The following CSMD1 variants were observed in gnomAD, a reference collection of about 807,000 sequenced individuals.
CSMD1 encodes the protein CUB and Sushi multiple domains 1.
Under a neutral mutation model 417.5 loss-of-function variants are expected in CSMD1, and 213 were observed. That is an observed-to-expected ratio of 0.51 (90% CI 0.46 to 0.57). CSMD1 has a LOEUF of 0.57. CSMD1 is among the 20% of genes least tolerant of loss of function. The pLI is 0.00. For missense variants in CSMD1, 6,923 were observed against 4,529.7 expected (o/e 1.53, Z -15.17); for synonymous variants, 2,862 against 1,736.8 (o/e 1.65, Z -16.11).
chr8:4,917,817 T>C (rs1332451848), intron 1 of CSMD1, among the ~76,000 whole-genome samples: 1 of 151,980 alleles, frequency 6.6e-6, no homozygotes, highest in African/African-American at 2.4e-5. Context: ...GAACAGAGTG[T>C]GGCAGTGGTT....
At chr8:4,593,138 T>C (rs1207090350) in intron 2 of CSMD1, among the ~76,000 whole-genome samples, 2 of 152,184 alleles carry the variant, frequency 1.3e-5, no homozygotes, top group African/African-American at 2.4e-5. Flanking sequence ...GAATGGAGGA[T>C]GCTGAGGTCT....
At chr8:4,057,477 G>T (rs1376131262) in intron 3 of CSMD1, among the ~76,000 whole-genome samples, 3 of 152,116 alleles carry the variant, frequency 2.0e-5, no homozygotes, top group Non-Finnish European at 2.9e-5. Flanking sequence ...CACCCATTTT[G>T]TAGGTTGCCT....
chr8:4,155,580 T>G (rs945559372), intron 3 of CSMD1, among the ~76,000 whole-genome samples: 1 of 152,180 alleles, frequency 6.6e-6, no homozygotes, highest in South Asian at 2.1e-4. Flanking sequence ...TATCTTTAAA[T>G]TGTGAGTCAT....
chr8:3,756,410 T>C (rs1199835617), intron 5 of CSMD1, among the ~76,000 whole-genome samples: 4 of 152,000 alleles, frequency 2.6e-5, no homozygotes, highest in South Asian at 4.1e-4. Flanking sequence ...ATTATTTTTA[T>C]ACACACAAAT....
chr8:3,510,941 T>G (rs746650662), intron 10 of CSMD1, among the ~76,000 whole-genome samples: 10 of 151,844 alleles, frequency 6.6e-5, no homozygotes, highest in Non-Finnish European at 1.3e-4. Flanking sequence ...GTATGTTTAC[T>G]GCAGCACTAT....
chr8:3,586,123 G>A lies in CSMD1; in HGVS notation c.1222+13C>T, dbSNP rs549303366. ...AGAGATAATCCAGGCTTTACCCACC[G>A]CAGGTGCCTTACCTCGGCAGATGGG... On this transcript the variant is annotated intron_variant, in intron 9 of 69. Transcript: ENST00000635120. 2.4e-5 allele frequency: 39 copies of A among 1,607,846 alleles called. No homozygotes were observed. The highest frequency in any genetic ancestry group is 8.0e-5 in the African/African-American group (6 of 74,642).
At chr8:4,909,415 C>T (rs1805512456) in intron 1 of CSMD1, among the ~76,000 whole-genome samples, 1 of 152,090 alleles carries the variant, frequency 6.6e-6, no homozygotes, top group South Asian at 2.1e-4. Flanking sequence ...ATGAATTTTC[C>T]ACTAGCAAGA....
At chr8:3,478,748 C>T (rs1817567981) in intron 11 of CSMD1, among the ~76,000 whole-genome samples, 2 of 152,194 alleles carry the variant, frequency 1.3e-5, no homozygotes, top group African/African-American at 4.8e-5. Flanking sequence ...GCCACACCAA[C>T]AACAAACATC....
intron 3 of CSMD1, among the ~76,000 whole-genome samples, chr8:4,338,140 T>A (rs2128893996): frequency 6.6e-6 from 1 of 152,266 alleles, no homozygotes; most frequent in East Asian, 1.9e-4. Context: ...TGATTTTTAT[T>A]CCAAAGCATG....
At chr8:4,853,141 G>C (rs1305383946) in intron 1 of CSMD1, among the ~76,000 whole-genome samples, 3 of 152,182 alleles carry the variant, frequency 2.0e-5, no homozygotes, top group African/African-American at 4.8e-5. Context: ...GTGGGCTATG[G>C]AGCAAACACT....
At chr8:3,189,139 G>A (rs758127096) in intron 34 of CSMD1, 128 bp from the exon 35 acceptor site, 1 of 770,510 alleles carries the variant, frequency 1.3e-6, no homozygotes. Flanking sequence ...ACGTTAAACG[G>A]CACTTTTAGC....
intron 7 of CSMD1, among the ~76,000 whole-genome samples, chr8:3,658,275 A>C (rs997835541): frequency 3.3e-5 from 5 of 152,072 alleles, no homozygotes; most frequent in Non-Finnish European, 5.9e-5. Flanking sequence ...TTTTTTTCTT[A>C]TCAATGATTG....
At chr8:3,159,909 G>A (rs1429740442) in intron 38 of CSMD1, among the ~76,000 whole-genome samples, 1 of 152,118 alleles carries the variant, frequency 6.6e-6, no homozygotes, top group Non-Finnish European at 1.5e-5. Flanking sequence ...AACAGAATCT[G>A]CAAAGTCTCA....
In CSMD1 at chr8:3,701,396, A is replaced by G. The variant is rs527440252; in HGVS notation, c.1009+7018T>C. Among the ~76,000 whole-genome samples the G allele has an allele frequency of 3.9e-5, 6 of 152,230 alleles. No homozygotes were observed. In the South Asian group the frequency reaches 1.2e-3, roughly 32 times the overall value. On this transcript the variant is annotated intron_variant, in intron 7 of 69. Coordinates refer to ENST00000635120, the MANE Select transcript of CSMD1 (RefSeq NM_033225.6). ...AGCTTCTACAGATCCCAGAGAGAGAACAGTTGCGAAAGTCTGTCCCCGGGC... is the reference window on the plus strand; with the variant it reads ...AGCTTCTACAGATCCCAGAGAGAGAGCAGTTGCGAAAGTCTGTCCCCGGGC...
intron 3 of CSMD1, among the ~76,000 whole-genome samples, chr8:4,216,651 G>C (rs17069501): frequency 1.3e-5 from 2 of 152,050 alleles, no homozygotes. Flanking sequence ...GTGTTCTTTC[G>C]TAAATGACTG....
intron 40 of CSMD1, among the ~76,000 whole-genome samples, chr8:3,147,564 A>G (rs1294745196): frequency 6.6e-6 from 1 of 152,210 alleles, no homozygotes; most frequent in Admixed American, 6.5e-5. Flanking sequence ...GACCACGGGA[A>G]GCTACATTGT....
At position 3,788,422 on chromosome 8, in the gene CSMD1, G is replaced by A. The variant is rs879558697; in HGVS notation, c.819-34380C>T. On this transcript the variant is annotated intron_variant, in intron 5 of 69. Transcript: ENST00000635120. ...AGACCCAAGTGAGGCTTCTGGAGGT[G>A]CCCAACAGAAGAACCAGCTGAGATA... is the stretch of plus-strand genomic sequence containing the variant. Among the ~76,000 whole-genome samples the A allele has an allele frequency of 5.9e-5, 9 of 152,258 alleles. No individual in the cohort carries two copies. In the East Asian group the frequency reaches 1.2e-3, roughly 20 times the overall value.
chr8:3,306,670 G>A (rs973663637), intron 25 of CSMD1, among the ~76,000 whole-genome samples: 1 of 150,302 alleles, frequency 6.7e-6, no homozygotes, highest in Non-Finnish European at 1.5e-5. Context: ...AAACAGAAAG[G>A]TTAATTGAAG....
rs570089745 is a variant in CSMD1, at chr8:4,200,436, C to A, written c.416-168337G>T. ...TTGATTTAAAAGAATAACCCCACAGCCGTCTACTCAACACTCTTATGGTTT... is the reference window on the plus strand; with the variant it reads ...TTGATTTAAAAGAATAACCCCACAGACGTCTACTCAACACTCTTATGGTTT... On this transcript the variant is annotated intron_variant, in intron 3 of 69. Coordinates refer to ENST00000635120, the MANE Select transcript of CSMD1 (RefSeq NM_033225.6). Among the ~76,000 whole-genome samples, 33 of 152,206 alleles carry A rather than the reference C, an allele frequency of 2.2e-4. No individual in the cohort carries two copies. The South Asian group carries it at 4.6e-3, about 21-fold the overall frequency.
Sources: gnomAD v4.1 joint callset for allele counts (sites outside exome capture counted in the v4.1 genomes callset) on GRCh38, gnomAD v4.1.1 for gene constraint, MANE v1.5 for transcripts, NCBI Gene and HGNC (gene_info 2026-07-23, HGNC 2026-07-21) for gene names.